Variants in MICAL3 observed in about 807,000 individuals in gnomAD.
MICAL3 encodes the protein microtubule associated monooxygenase, calponin and LIM domain containing 3.
Under a neutral mutation model 207.4 loss-of-function variants are expected in MICAL3, and 62 were observed. The observed-to-expected ratio is 0.30, with a 90% CI of 0.24 to 0.37. The LOEUF (loss-of-function observed/expected upper bound fraction) is 0.37, where lower values mean the gene tolerates loss of function less well. Ranked by LOEUF, MICAL3 falls within the 10% of genes least tolerant of loss-of-function variation. The pLI, the probability that MICAL3 is intolerant of heterozygous loss-of-function variation, is 1.00. For missense variants in MICAL3, 2,368 were observed against 2,635.6 expected, an observed-to-expected ratio of 0.90 and a Z score of 2.22; for synonymous variants, 1,077 against 1,069.3, an observed-to-expected ratio of 1.01 and a Z score of -0.14.
chr22:17,974,518 C>T (rs769502587), intron 1 of MICAL3, among the ~76,000 whole-genome samples: 2 of 151,878 alleles, frequency 1.3e-5, no homozygotes, highest in African/African-American at 2.4e-5. Context: ...TGGAGGTTGG[C>T]GTTCCAGACC....
At position 17,796,907 on chromosome 22, in the gene MICAL3, C is replaced by T. The variant is rs1601917212; in HGVS notation, c.5651-5606G>A. ...CAAGACCCAGTGTGGGGTAGAATGG[C>T]CAACAGTGTGGGGGAAAGAGTGGCC... On this transcript the variant is annotated intron_variant, in intron 29 of 31. Coordinates refer to ENST00000441493, the MANE Select transcript of MICAL3 (RefSeq NM_015241.3). The surrounding 1 kb of genome is among the most constrained non-coding windows in gnomAD (Gnocchi z 4.4). Among the ~76,000 whole-genome samples, 2 of 152,120 alleles carry T rather than the reference C, an allele frequency of 1.3e-5. No homozygotes were observed. The highest frequency in any genetic ancestry group is 4.8e-5 in the African/African-American group (2 of 41,380).
At chr22:17,849,392 C>T (rs917471694) in intron 19 of MICAL3, among the ~76,000 whole-genome samples, 6 of 152,170 alleles carry the variant, frequency 3.9e-5, no homozygotes, top group South Asian at 2.1e-4. Context: ...TACAGTGCAC[C>T]GGTGCAATCA....
chr22:17,892,246 A>C (rs982316951), intron 11 of MICAL3, among the ~76,000 whole-genome samples: 7 of 152,216 alleles, frequency 4.6e-5, no homozygotes, highest in Non-Finnish European at 8.8e-5. Context: ...CTCAACCCTG[A>C]GAAACTGAAT....
Position 17,816,800 on chromosome 22 carries a change from G to C in MICAL3, c.5351-16C>G. 6.5e-7 allele frequency: 1 copy of C among 1,539,024 alleles called. No homozygotes were observed. Among genetic ancestry groups the C allele is most frequent in the Middle Eastern group, 1.7e-4 (1 of 5,904 alleles). ...AGCTGCAGCTCTGTGGAGAGAGGGAGGCCACGTGAGGACAGCGCCAGACAG... is the reference window on the plus strand; with the variant it reads ...AGCTGCAGCTCTGTGGAGAGAGGGACGCCACGTGAGGACAGCGCCAGACAG... On this transcript the variant is annotated splice_polypyrimidine_tract_variant and intron_variant, in intron 26 of 31. Coordinates refer to ENST00000441493, the MANE Select transcript of MICAL3 (RefSeq NM_015241.3).
intron 15 of MICAL3, 37 bp from the exon 16 acceptor site, chr22:17,886,088 A>G (rs1258755245): frequency 1.2e-6 from 2 of 1,608,474 alleles, no homozygotes; most frequent in East Asian, 4.5e-5. Flanking sequence ...CGGCGCTGTG[A>G]CAGGAGGCTC....
intron 16 of MICAL3, among the ~76,000 whole-genome samples, chr22:17,881,830 T>C (rs550241234): frequency 2.0e-5 from 3 of 152,354 alleles, no homozygotes; most frequent in South Asian, 2.1e-4. Flanking sequence ...AGGAGCATGA[T>C]GTCAAAATTA....
At chr22:17,928,702 C>T (rs149204635) in intron 1 of MICAL3, among the ~76,000 whole-genome samples, 7 of 152,200 alleles carry the variant, frequency 4.6e-5, no homozygotes, top group African/African-American at 1.7e-4. Context: ...ATGTTTCATA[C>T]CGTGGCTTTA....
At chr22:17,992,273 T>C (rs572710447) in intron 1 of MICAL3, among the ~76,000 whole-genome samples, 1 of 152,280 alleles carries the variant, frequency 6.6e-6, no homozygotes, top group African/African-American at 2.4e-5. Context: ...AGTTGCAAAA[T>C]GATCCTGTTT....
chr22:17,936,654 C>G (rs1212489089), intron 1 of MICAL3, among the ~76,000 whole-genome samples: 2 of 151,306 alleles, frequency 1.3e-5, no homozygotes, highest in African/African-American at 4.9e-5. Context: ...AATATATATT[C>G]ATCTGTCAAT....
chr22:17,984,608 T>C (rs1220803467), intron 1 of MICAL3, among the ~76,000 whole-genome samples: 2 of 145,308 alleles, frequency 1.4e-5, no homozygotes, highest in African/African-American at 5.1e-5. Context: ...CAGGTCCTGC[T>C]CTAAATGCTT....
intron 1 of MICAL3, among the ~76,000 whole-genome samples, chr22:18,002,682 A>T (rs1026180792): frequency 2.6e-5 from 4 of 152,118 alleles, no homozygotes; most frequent in Non-Finnish European, 4.4e-5. Context: ...TATATCTTGT[A>T]TGACCTTGAG....
At position 17,787,666 on chromosome 22, in the gene MICAL3, TA is replaced by T. The variant is rs1230173679; in HGVS notation, c.*3065del. ...ACACACTATTTATTTGAAAAACTTTTATTTTGCATAAAACAGACCCATTCCC... is the reference window on the plus strand; with the variant it reads ...ACACACTATTTATTTGAAAAACTTTTTTTTGCATAAAACAGACCCATTCCC... On this transcript the variant is annotated 3_prime_UTR_variant, in exon 32 of 32. Coordinates refer to ENST00000441493, the MANE Select transcript of MICAL3 (RefSeq NM_015241.3). The T allele has an allele frequency of 6.6e-6, 1 of 152,268 alleles. No individual in the cohort carries two copies. Among genetic ancestry groups the T allele is most frequent in the Non-Finnish European group, 1.5e-5 (1 of 68,044 alleles). 9.4% of individuals were successfully genotyped at this position (152,268 alleles called of 1,614,324 possible).
chr22:17,816,684 ACC>A lies in MICAL3; in HGVS notation c.5445+4_5445+5del. On this transcript the variant is annotated splice_donor_5th_base_variant and intron_variant, in intron 27 of 31. Transcript: ENST00000441493. ...GCCCTGTGAAGCCCCCTGCCTGACTACCCACCTCTCGCCGGGACTTCTGTGAG... is the reference window on the plus strand; with the variant it reads ...GCCCTGTGAAGCCCCCTGCCTGACTACACCTCTCGCCGGGACTTCTGTGAG... The A allele has an allele frequency of 6.5e-7, 1 of 1,550,236 alleles. No homozygotes were observed. Among genetic ancestry groups the A allele is most frequent in the Non-Finnish European group, 8.7e-7 (1 of 1,145,776 alleles).
At chr22:17,929,660 C>T (rs1933143329) in intron 1 of MICAL3, among the ~76,000 whole-genome samples, 1 of 148,602 alleles carries the variant, frequency 6.7e-6, no homozygotes, top group Non-Finnish European at 1.5e-5. Flanking sequence ...CTCCGCCTCC[C>T]GGGTTCATGC....
chr22:17,991,669 A>C (rs977842227), intron 1 of MICAL3, among the ~76,000 whole-genome samples: 1 of 152,196 alleles, frequency 6.6e-6, no homozygotes, highest in African/African-American at 2.4e-5. Context: ...AGACATAAGT[A>C]ATTTCTATTT....
At chr22:17,791,494 G>A in intron 29 of MICAL3, 193 bp from the exon 30 acceptor site, 1 of 603,338 alleles carries the variant, frequency 1.7e-6, no homozygotes, top group East Asian at 2.8e-5. Flanking sequence ...GCTTTCCCGT[G>A]TCCTGCCATC....
At position 17,887,253 on chromosome 22, in the gene MICAL3, A is replaced by C. The variant is rs1339045156; in HGVS notation, c.2005-21T>G. 4.3e-6 allele frequency: 7 copies of C among 1,612,676 alleles called. No individual in the cohort carries two copies. In the East Asian group the frequency reaches 1.3e-4, roughly 31 times the overall value. On this transcript the variant is annotated intron_variant, in intron 14 of 31. Transcript: ENST00000441493. Reference sequence around the variant, plus strand: ...TTATCCTGTACCAAGGGAGGAGGGAAACTGCATTATTCTAGCCATACATAC... The same window carrying C: ...TTATCCTGTACCAAGGGAGGAGGGACACTGCATTATTCTAGCCATACATAC...
intron 1 of MICAL3, among the ~76,000 whole-genome samples, chr22:17,911,869 A>ATTTG (rs1350558434): frequency 7.6e-4 from 116 of 152,320 alleles, no homozygotes; most frequent in African/African-American, 2.6e-3. Flanking sequence ...GGAGAGGAAC[A>ATTTG]CTTGATCATA....
intron 25 of MICAL3, among the ~76,000 whole-genome samples, chr22:17,819,640 C>T (rs1921327118): frequency 6.6e-6 from 1 of 152,128 alleles, no homozygotes; most frequent in African/African-American, 2.4e-5. Flanking sequence ...TCAAACAAAG[C>T]CTCCCCATTT....
Sources: allele counts gnomAD v4.1 joint callset (sites outside exome capture counted in the v4.1 genomes callset), GRCh38; gene constraint gnomAD v4.1.1; non-coding constraint Gnocchi (gnomAD v3.1); transcripts MANE v1.5; gene names NCBI Gene and HGNC (gene_info 2026-07-23, HGNC 2026-07-21).